MIER2: variants seen among roughly 807,000 people sequenced by gnomAD.
MIER2 encodes MIER family member 2.
Under a neutral mutation model 67.6 loss-of-function variants are expected in MIER2, and 30 were observed. The ratio of observed to expected loss-of-function variants is 0.44; its 90% CI spans 0.33 to 0.60. The LOEUF is 0.60. MIER2 is among the 20% of genes least tolerant of loss of function. The pLI is 0.02. For missense variants in MIER2, 702 were observed against 745.1 expected, an observed-to-expected ratio of 0.94 and a Z score of 0.67; for synonymous variants, 372 against 312.6, an observed-to-expected ratio of 1.19 and a Z score of -2.00.
intron 1 of MIER2, among the ~76,000 whole-genome samples, chr19:343,019 T>C (rs1192656744): frequency 6.6e-6 from 1 of 152,246 alleles, no homozygotes; most frequent in Middle Eastern, 3.4e-3. Context: ...AGACTCTGCA[T>C]CCCTGTAGGA....
At chr19:335,941 T>C (rs1234572352) in intron 2 of MIER2, 142 bp downstream of exon 2, 1 of 759,672 alleles carries the variant, frequency 1.3e-6, no homozygotes, top group Non-Finnish European at 2.2e-6. Context: ...CAGCTCCATC[T>C]GAACGGGTGG....
chr19:342,938 G>A lies in MIER2; in HGVS notation c.9+1836C>T, dbSNP rs547496423. ...ACAGAACAAGTCCGGTGGTCAGACA[G>A]CTTGCCATGGCTCCTCACGCTCAGC... On this transcript the variant is annotated intron_variant, in intron 1 of 13. Coordinates refer to ENST00000264819, the MANE Select transcript of MIER2 (RefSeq NM_017550.3). 2.3e-4 allele frequency among the ~76,000 whole-genome samples: 35 copies of A among 152,100 alleles called. 1 individual carries two copies. The highest frequency in any genetic ancestry group is 1.9e-3 in the Admixed American group (29 of 15,270).
In MIER2 at chr19:312,283, G is replaced by C; in HGVS notation, c.808-11C>G. 5.6e-6 allele frequency: 9 copies of C among 1,613,328 alleles called. No homozygotes were observed. The highest frequency in any genetic ancestry group is 7.6e-6 in the Non-Finnish European group (9 of 1,179,484). ...CAACTCGTACAGCGCCTGGGGAGAGGACATGTTGGCTCTTCCATGGGCTCA... is the reference window on the plus strand; with the variant it reads ...CAACTCGTACAGCGCCTGGGGAGAGCACATGTTGGCTCTTCCATGGGCTCA... On this transcript the variant is annotated splice_polypyrimidine_tract_variant and intron_variant, in intron 8 of 13. Transcript: ENST00000264819.
Position 308,937 on chromosome 19 carries a change from G to T in MIER2, c.985-12C>A, listed in dbSNP as rs755882371. 15 of 1,595,166 alleles carry T rather than the reference G, an allele frequency of 9.4e-6. No homozygotes were observed. The highest frequency in any genetic ancestry group is 1.7e-4 in the Middle Eastern group (1 of 5,958). Reference sequence around the variant, plus strand: ...GACCGTGTGCGCACCTGCGGGGAGGGGTCAGGAGCCATCTCTGTCCCCGGC... The same window carrying T: ...GACCGTGTGCGCACCTGCGGGGAGGTGTCAGGAGCCATCTCTGTCCCCGGC... On this transcript the variant is annotated splice_polypyrimidine_tract_variant and intron_variant, in intron 10 of 13. Coordinates refer to ENST00000264819, the MANE Select transcript of MIER2 (RefSeq NM_017550.3). The surrounding 1 kb of genome is among the most constrained non-coding windows in gnomAD (Gnocchi z 9.1).
intron 2 of MIER2, 37 bp downstream of exon 2, chr19:336,046 T>C (rs1430954224): frequency 3.8e-6 from 6 of 1,598,050 alleles, no homozygotes; most frequent in Non-Finnish European, 5.1e-6. Context: ...ACAAAGGCCT[T>C]GGCGGACCTG....
At position 312,288 on chromosome 19, in the gene MIER2, G is replaced by A; in HGVS notation, c.808-16C>T. 1.2e-6 allele frequency: 2 copies of A among 1,612,776 alleles called. No individual in the cohort carries two copies. Among genetic ancestry groups the A allele is most frequent in the Non-Finnish European group, 8.5e-7 (1 of 1,179,074 alleles). ...CGTACAGCGCCTGGGGAGAGGACAT[G>A]TTGGCTCTTCCATGGGCTCAGCGCA... is the stretch of plus-strand genomic sequence containing the variant. On this transcript the variant is annotated splice_polypyrimidine_tract_variant and intron_variant, in intron 8 of 13. Coordinates refer to ENST00000264819, the MANE Select transcript of MIER2 (RefSeq NM_017550.3).
At chr19:323,958 C>G (rs1025980141) in intron 7 of MIER2, among the ~76,000 whole-genome samples, 1 of 151,140 alleles carries the variant, frequency 6.6e-6, no homozygotes, top group African/African-American at 2.4e-5. Context: ...CACAACCACA[C>G]AGACGACTCG....
At chr19:325,170 C>T (rs928278325) in intron 7 of MIER2, among the ~76,000 whole-genome samples, 7 of 152,170 alleles carry the variant, frequency 4.6e-5, no homozygotes, top group Admixed American at 3.3e-4. Context: ...AAGAGAGGGT[C>T]GATTTTGAAC....
chr19:342,523 C>G (rs1345628570), intron 1 of MIER2, among the ~76,000 whole-genome samples: 1 of 151,278 alleles, frequency 6.6e-6, no homozygotes, highest in Admixed American at 6.6e-5. Context: ...CAAGGAGGAG[C>G]ATTTTATCCC....
At chr19:325,585 A>T (rs1192795111) in intron 7 of MIER2, 50 bp downstream of exon 7, 2 of 1,604,550 alleles carry the variant, frequency 1.2e-6, no homozygotes, top group Non-Finnish European at 1.7e-6. Flanking sequence ...CAGCCAGGCC[A>T]CTCCCCTTGC....
At position 318,976 on chromosome 19, in the gene MIER2, G is replaced by A. The variant is rs1057170448; in HGVS notation, c.656-5333C>T. Among the ~76,000 whole-genome samples the A allele has an allele frequency of 2.0e-5, 3 of 149,340 alleles. No homozygotes were observed. The Admixed American group carries it at 2.0e-4, about 10-fold the overall frequency. On this transcript the variant is annotated intron_variant, in intron 7 of 13. Transcript: ENST00000264819. ...GGAGGCTGAGACAGGAGAATGGCGT[G>A]AACCCAGGAGGCGGAGCTTGCAGTG...
rs556139328 is a variant in MIER2, at chr19:339,008, G to A, written c.10-2835C>T. ...ACCTTTTGATTGAATCTAAAAATGTGGTGGGAAAAAAGTTTGTGACCTTGG... is the reference window on the plus strand; with the variant it reads ...ACCTTTTGATTGAATCTAAAAATGTAGTGGGAAAAAAGTTTGTGACCTTGG... On this transcript the variant is annotated intron_variant, in intron 1 of 13. Transcript: ENST00000264819. Among the ~76,000 whole-genome samples, 11 of 151,308 alleles carry A rather than the reference G, an allele frequency of 7.3e-5. No individual in the cohort carries two copies. The East Asian group carries it at 1.7e-3, about 24-fold the overall frequency.
chr19:325,542 G>A (rs1222213099), intron 7 of MIER2, 93 bp downstream of exon 7: 3 of 1,439,114 alleles, frequency 2.1e-6, no homozygotes, highest in African/African-American at 2.8e-5. Context: ...TGCGGGGCGG[G>A]GACCTGACCA....
rs1486959634 is a variant in MIER2, at chr19:324,373, CCACA to C, written c.655+1258_655+1261del. Among the ~76,000 whole-genome samples, 6 of 142,930 alleles carry C rather than the reference CCACA, an allele frequency of 4.2e-5. 1 individual carries two copies. The highest frequency in any genetic ancestry group is 1.4e-4 in the Admixed American group (2 of 14,164). The allele number at this position is 142,930 out of a possible 152,430, so 93.8% of individuals were successfully genotyped here. On this transcript the variant is annotated intron_variant, in intron 7 of 13. Coordinates refer to ENST00000264819, the MANE Select transcript of MIER2 (RefSeq NM_017550.3). ...AATGCAATACACAGGACACACACAA[CCACA>C]CAGACGACTCGAATGACACAGGCGT...
At chr19:310,561 CGGAGCTATAGAAACACGGCCG>C (rs1568216468) in intron 10 of MIER2, among the ~76,000 whole-genome samples, 182 of 147,512 alleles carry the variant, frequency 1.2e-3, no homozygotes, top group Middle Eastern at 3.5e-3. Context: ...AAACACGGCC[CGGAGCTATAGAAACACGGCCG>C]GGAGCTGCAG....
At chr19:334,702 GCACACA>G (rs1433276934) in intron 2 of MIER2, among the ~76,000 whole-genome samples, 160 bp from the exon 3 acceptor site, 1 of 152,192 alleles carries the variant, frequency 6.6e-6, no homozygotes, top group Non-Finnish European at 1.5e-5. Flanking sequence ...CACGACTAAT[GCACACA>G]GGAGCACGGC....
At chr19:337,087 G>T (rs555417713) in intron 1 of MIER2, among the ~76,000 whole-genome samples, 1 of 152,050 alleles carries the variant, frequency 6.6e-6, no homozygotes, top group South Asian at 2.1e-4. Flanking sequence ...CAAGTGATCC[G>T]CCCGCCTCGG....
intron 1 of MIER2, 94 bp from the exon 2 acceptor site, chr19:336,267 C>A: frequency 2.1e-6 from 2 of 974,490 alleles, no homozygotes; most frequent in Non-Finnish European, 3.1e-6. Context: ...CTGGTCAGAG[C>A]CCAGTCCCCA....
intron 6 of MIER2, 128 bp from the exon 7 acceptor site, chr19:325,832 G>T (rs146405139): frequency 1.0e-6 from 1 of 980,918 alleles, no homozygotes; most frequent in Non-Finnish European, 1.6e-6. Flanking sequence ...CATCTGTGCC[G>T]TCTACCTGCT....
Sources: allele counts gnomAD v4.1 joint callset (sites outside exome capture counted in the v4.1 genomes callset), GRCh38; gene constraint gnomAD v4.1.1; non-coding constraint Gnocchi (gnomAD v3.1); transcripts MANE v1.5; gene names NCBI Gene and HGNC (gene_info 2026-07-23, HGNC 2026-07-21).